Variants in ZNF429 observed in about 807,000 individuals in gnomAD.
ZNF429 encodes the protein zinc finger protein 429.
Under a neutral mutation model 56.8 loss-of-function variants are expected in ZNF429, and 53 were observed. That is an observed-to-expected ratio of 0.93 (90% CI 0.75 to 1.17). The LOEUF (loss-of-function observed/expected upper bound fraction) is 1.17. ZNF429 is among the 50% of genes most tolerant of loss of function. ZNF429 has a pLI of 0.00. For synonymous variants in ZNF429, 278 were observed against 264.7 expected (o/e 1.05, Z -0.49); for missense variants, 849 against 788.4 (o/e 1.08, Z -0.92).
intron 3 of ZNF429, among the ~76,000 whole-genome samples, chr19:21,535,426 T>TCC: frequency 6.9e-4 from 7 of 10,150 alleles, no homozygotes; most frequent in African/African-American, 3.6e-3. Context: ...CTTTCTTTCT[T>TCC]TCTTTCTTTC....
chr19:21,531,522 G>A lies in ZNF429; in HGVS notation c.226+838G>A. ...ATATTAGTCAAAAAAATAGAAAATA[G>A]GCTGAGCACGGTGGCTCATGTCTAT... On this transcript the variant is annotated intron_variant, in intron 3 of 3. Transcript: ENST00000358491. Among the ~76,000 whole-genome samples the A allele has an allele frequency of 7.0e-4, 106 of 152,254 alleles. 1 individual carries two copies. Among genetic ancestry groups the A allele is most frequent in the African/African-American group, 2.5e-3 (103 of 41,554 alleles).
chr19:21,523,114 G>A (rs575418443), intron 1 of ZNF429, among the ~76,000 whole-genome samples: 2 of 152,164 alleles, frequency 1.3e-5, no homozygotes, highest in South Asian at 2.1e-4. Context: ...AGAGTAACAC[G>A]TGTGCATTGA....
In ZNF429 at chr19:21,535,409, T is replaced by TC; in HGVS notation, c.227-871_227-870insC. On this transcript the variant is annotated intron_variant, in intron 3 of 3. Coordinates refer to ENST00000358491, the MANE Select transcript of ZNF429 (RefSeq NM_001001415.4). ...ACTTTCTTTCTTTCTTTCTTTCTTTTTCTTTTCTTTCTTTCTTTCTTTCTT... is the reference window on the plus strand; with the variant it reads ...ACTTTCTTTCTTTCTTTCTTTCTTTTCTCTTTTCTTTCTTTCTTTCTTTCTT... Among the ~76,000 whole-genome samples the TC allele has an allele frequency of 4.9e-5, 5 of 101,788 alleles. 1 individual carries two copies. Among genetic ancestry groups the TC allele is most frequent in the South Asian group, 3.4e-4 (1 of 2,922 alleles). 66.8% of individuals were successfully genotyped at this position (101,788 alleles called of 152,430 possible).
In ZNF429 at chr19:21,536,931, C is replaced by T; in HGVS notation, c.878C>T (p.Thr293Ile). Reference sequence around the variant, plus strand: ...TACAAATGTGATGAATGTGGCAAAACCTTTAGCATATCCTCAACCTTTACT... The same window carrying T: ...TACAAATGTGATGAATGTGGCAAAATCTTTAGCATATCCTCAACCTTTACT... ...KPYKCDECGK[T>I]FSISSTFTKH... Residue 293 changes from threonine (T) to isoleucine (I), a missense_variant, in exon 4 of 4, where the codon ACC becomes ATC. By Grantham distance (89) the Thr-to-Ile change is moderately conservative (BLOSUM62 -1). Coordinates refer to ENST00000358491, the MANE Select transcript of ZNF429 (RefSeq NM_001001415.4). 1 of 1,612,254 alleles carries T rather than the reference C, an allele frequency of 6.2e-7. No homozygotes were observed.
chr19:21,506,567 G>A (rs1316089268), intron 1 of ZNF429, among the ~76,000 whole-genome samples: 1 of 151,924 alleles, frequency 6.6e-6, no homozygotes, highest in Non-Finnish European at 1.5e-5. Context: ...GGAGCTTGAA[G>A]GAAAGACTTT....
At chr19:21,535,296 C>CTTTCTTTCTTTCTTTCT in intron 3 of ZNF429, among the ~76,000 whole-genome samples, 7 of 82,638 alleles carry the variant, frequency 8.5e-5, no homozygotes, top group East Asian at 3.3e-4. Flanking sequence ...CATTTCTTTC[C>CTTTCTTTCTTTCTTTCT]TTCTTTCTTT....
chr19:21,535,419 TCTTTCTTTCTTTC>T, intron 3 of ZNF429, among the ~76,000 whole-genome samples: 2 of 3,330 alleles, frequency 6.0e-4, no homozygotes, highest in Non-Finnish European at 1.2e-3. Context: ...TTCTTTTCTT[TCTTTCTTTCTTTC>T]TTTCTTTCTT....
intron 1 of ZNF429, among the ~76,000 whole-genome samples, chr19:21,514,894 T>C (rs945629370): frequency 5.9e-5 from 9 of 151,992 alleles, no homozygotes; most frequent in African/African-American, 2.2e-4. Flanking sequence ...CCACTGTGCC[T>C]GGCCACCATA....
intron 1 of ZNF429, among the ~76,000 whole-genome samples, chr19:21,511,552 A>T (rs976724429): frequency 6.6e-6 from 1 of 150,668 alleles, no homozygotes; most frequent in Non-Finnish European, 1.5e-5. Flanking sequence ...CACTTCCTAG[A>T]TGGGATGGCG....
chr19:21,528,332 T>C (rs2033241831), intron 1 of ZNF429, among the ~76,000 whole-genome samples: 1 of 152,138 alleles, frequency 6.6e-6, no homozygotes, highest in Non-Finnish European at 1.5e-5. Context: ...CCCAGAAAGT[T>C]CTAAAAAATA....
intron 3 of ZNF429, among the ~76,000 whole-genome samples, chr19:21,531,567 G>A: frequency 5.9e-5 from 9 of 152,034 alleles, no homozygotes; most frequent in African/African-American, 1.9e-4. Flanking sequence ...ACTTCAGGAG[G>A]CCAAGGCAGC....
Position 21,531,333 on chromosome 19 carries a change from C to T in ZNF429, c.226+649C>T. ...TCTATTACAAATCCATAGGGCATCT[C>T]AGCACCCTGGGGACCCAACAAAAGA... is the stretch of plus-strand genomic sequence containing the variant. On this transcript the variant is annotated intron_variant, in intron 3 of 3. Coordinates refer to ENST00000358491, the MANE Select transcript of ZNF429 (RefSeq NM_001001415.4). Among the ~76,000 whole-genome samples the T allele has an allele frequency of 4.4e-3, 668 of 152,180 alleles. 2 individuals carry two copies. The highest frequency in any genetic ancestry group is 6.8e-3 in the Non-Finnish European group (460 of 68,012).
At chr19:21,529,039 A>G (rs892884738) in intron 1 of ZNF429, 2 of 151,952 alleles carry the variant, frequency 1.3e-5, no homozygotes, top group African/African-American at 4.8e-5. Context: ...TTTTCTTTGC[A>G]TATATCTGTC....
chr19:21,511,233 C>T (rs1002402738), intron 1 of ZNF429, among the ~76,000 whole-genome samples: 21 of 151,268 alleles, frequency 1.4e-4, no homozygotes, highest in Admixed American at 8.6e-4. Flanking sequence ...CCCTCCCGGA[C>T]GGGGCGGCTG....
intron 1 of ZNF429, among the ~76,000 whole-genome samples, chr19:21,512,925 G>A (rs1018343191): frequency 6.6e-6 from 1 of 150,824 alleles, no homozygotes; most frequent in African/African-American, 2.4e-5. Context: ...ACGCTGGAGT[G>A]CAGTGGCGTG....
Position 21,530,796 on chromosome 19 carries a change from C to A in ZNF429, c.226+112C>A. 4.7e-6 allele frequency: 4 copies of A among 853,766 alleles called. No individual in the cohort carries two copies. In the East Asian group the frequency reaches 1.1e-4, roughly 24 times the overall value. 52.9% of individuals were successfully genotyped at this position (853,766 alleles called of 1,614,324 possible). On this transcript the variant is annotated intron_variant, in intron 3 of 3. Transcript: ENST00000358491. ...AGCTATGTTTCAAAGAAAATATTTT[C>A]TGAAAAACTGTGTTCTAAAAAACTT... is the stretch of plus-strand genomic sequence containing the variant.
At chr19:21,532,725 G>A in intron 3 of ZNF429, among the ~76,000 whole-genome samples, 8 of 150,106 alleles carry the variant, frequency 5.3e-5, no homozygotes, top group Admixed American at 4.0e-4. Flanking sequence ...GGAGACGGTG[G>A]TCTCGCTTTG....
chr19:21,532,613 A>T, intron 3 of ZNF429, among the ~76,000 whole-genome samples: 1 of 152,324 alleles, frequency 6.6e-6, no homozygotes, highest in South Asian at 2.1e-4. Context: ...GGCTCACTGT[A>T]AGCTTGAACA....
intron 1 of ZNF429, among the ~76,000 whole-genome samples, chr19:21,525,941 T>A (rs2033152754): frequency 6.6e-6 from 1 of 152,296 alleles, no homozygotes; most frequent in Non-Finnish European, 1.5e-5. Context: ...CCCAGGGTGT[T>A]ATGAGGATGA....
Sources: allele counts gnomAD v4.1 joint callset (sites outside exome capture counted in the v4.1 genomes callset), GRCh38; gene constraint gnomAD v4.1.1; transcripts MANE v1.5; gene names NCBI Gene and HGNC (gene_info 2026-07-23, HGNC 2026-07-21).